Variants in FLT1 observed in about 807,000 individuals in gnomAD.
FLT1 encodes the protein vascular endothelial growth factor receptor 1.
FLT1 carries 49 observed loss-of-function variants against 156.3 expected under a neutral mutation model. The ratio of observed to expected loss-of-function variants is 0.31; its 90% confidence interval spans 0.25 to 0.40. FLT1 has a LOEUF of 0.40. Ranked by LOEUF, FLT1 falls within the 10% of genes least tolerant of loss-of-function variation. The pLI, the probability that FLT1 is intolerant of heterozygous loss-of-function variation, is 1.00. For synonymous variants in FLT1, 594 were observed against 583.8 expected, an observed-to-expected ratio of 1.02 and a Z score of -0.25; for missense variants, 1,322 against 1,637.2, an observed-to-expected ratio of 0.81 and a Z score of 3.32.
At chr13:28,391,822 A>T (rs906346621) in intron 12 of FLT1, among the ~76,000 whole-genome samples, 2 of 152,160 alleles carry the variant, frequency 1.3e-5, no homozygotes, top group African/African-American at 4.8e-5. Flanking sequence ...ATTTCTTAGT[A>T]TCATTTTGGC....
chr13:28,466,416 A>G (rs1329090713), intron 3 of FLT1, among the ~76,000 whole-genome samples: 1 of 152,234 alleles, frequency 6.6e-6, no homozygotes, highest in African/African-American at 2.4e-5. Context: ...AGTGAACATG[A>G]AATAATACAA....
At chr13:28,350,127 C>G (rs376963160) in intron 15 of FLT1, among the ~76,000 whole-genome samples, 17 of 152,292 alleles carry the variant, frequency 1.1e-4, no homozygotes, top group African/African-American at 3.8e-4. Flanking sequence ...CAGCAGCACA[C>G]AGGAGTGGAA....
intron 24 of FLT1, 44 bp from the exon 25 acceptor site, chr13:28,317,641 A>G: frequency 8.1e-7 from 1 of 1,237,826 alleles, no homozygotes; most frequent in Non-Finnish European, 1.2e-6. Context: ...TTATGGCTTA[A>G]GGGTACAAAA....
intron 18 of FLT1, among the ~76,000 whole-genome samples, chr13:28,332,478 T>C (rs1195392726): frequency 1.3e-5 from 2 of 152,156 alleles, no homozygotes; most frequent in African/African-American, 4.8e-5. Flanking sequence ...CCAGATTTAG[T>C]TTCCACCTAT....
intron 14 of FLT1, among the ~76,000 whole-genome samples, chr13:28,365,675 C>T (rs1325277017): frequency 6.6e-6 from 1 of 152,116 alleles, no homozygotes; most frequent in African/African-American, 2.4e-5. Flanking sequence ...AAACATGATA[C>T]TCTGCTTTGT....
chr13:28,303,502 C>CG (rs796384229), intron 29 of FLT1, 134 bp from the exon 30 acceptor site: 237 of 771,332 alleles, frequency 3.1e-4, no homozygotes, highest in Non-Finnish European at 2.8e-4. Context: ...ACCCCCCCCC[C>CG]CTCAATTGCT....
intron 16 of FLT1, 93 bp downstream of exon 16, chr13:28,345,352 A>AGG (rs1872525063): frequency 2.7e-6 from 2 of 750,786 alleles, no homozygotes; most frequent in African/African-American, 3.5e-5. Context: ...GGAAAGAAAG[A>AGG]GGGTCCAACA....
chr13:28,368,533 T>A, intron 14 of FLT1: 2 of 1,547,604 alleles, frequency 1.3e-6, no homozygotes, highest in Non-Finnish European at 1.7e-6. Flanking sequence ...TTTCAATAAA[T>A]GGTAGCTATG....
chr13:28,475,578 C>T (rs1350499826), intron 1 of FLT1, among the ~76,000 whole-genome samples: 1 of 152,130 alleles, frequency 6.6e-6, no homozygotes, highest in African/African-American at 2.4e-5. Context: ...TAGACTAAAT[C>T]TCATAGAATC....
intron 3 of FLT1, among the ~76,000 whole-genome samples, chr13:28,454,549 G>A (rs1593811159): frequency 1.3e-5 from 2 of 152,114 alleles, no homozygotes; most frequent in South Asian, 2.1e-4. Flanking sequence ...AGAAATAAAT[G>A]GAGATGACTG....
chr13:28,348,928 AAAAG>A (rs1385375231), intron 15 of FLT1, among the ~76,000 whole-genome samples: 1 of 152,118 alleles, frequency 6.6e-6, no homozygotes, highest in Non-Finnish European at 1.5e-5. Context: ...AAAAAAAAAA[AAAAG>A]AGTTTAGGGT....
chr13:28,433,707 ACACTGC>A (rs1877841018), intron 6 of FLT1, 106 bp downstream of exon 6: 1 of 1,007,446 alleles, frequency 9.9e-7, no homozygotes, highest in Admixed American at 1.7e-5. Context: ...TTATTGACTA[ACACTGC>A]CACAGGAGTC....
intron 3 of FLT1, among the ~76,000 whole-genome samples, chr13:28,450,564 G>A (rs1402371285): frequency 6.6e-6 from 1 of 151,698 alleles, no homozygotes; most frequent in Non-Finnish European, 1.5e-5. Flanking sequence ...AGGAAGGAGA[G>A]AGGAAGGGAG....
chr13:28,395,346 C>G (rs993550485), intron 12 of FLT1, among the ~76,000 whole-genome samples: 1 of 152,172 alleles, frequency 6.6e-6, no homozygotes, highest in Non-Finnish European at 1.5e-5. Flanking sequence ...CTGTTCAGGT[C>G]CTGCTTCCTT....
chr13:28,473,698 A>AAAAGAAAGAAAGAAAG (rs1351953423), intron 1 of FLT1, among the ~76,000 whole-genome samples: 5 of 102,104 alleles, frequency 4.9e-5, no homozygotes, highest in African/African-American at 1.1e-4. Context: ...AGAGAGAAAG[A>AAAAGAAAGAAAGAAAG]AAAGAAAGAA....
At chr13:28,392,054 A>G (rs1267299755) in intron 12 of FLT1, among the ~76,000 whole-genome samples, 1 of 152,246 alleles carries the variant, frequency 6.6e-6, no homozygotes, top group Non-Finnish European at 1.5e-5. Context: ...TTAAGGGGAC[A>G]ATAGTCCAAA....
At chr13:28,304,814 T>C (rs796206410) in intron 29 of FLT1, among the ~76,000 whole-genome samples, 30 of 152,336 alleles carry the variant, frequency 2.0e-4, no homozygotes, top group African/African-American at 7.0e-4. Context: ...CTGGCTTCTT[T>C]TACTTAGCAT....
chr13:28,307,542 G>C (rs1870799534), intron 28 of FLT1, among the ~76,000 whole-genome samples: 1 of 152,028 alleles, frequency 6.6e-6, no homozygotes, highest in Non-Finnish European at 1.5e-5. Flanking sequence ...AGTCAAACAA[G>C]ATATCCATAT....
chr13:28,476,876 G>A (rs189941710), intron 1 of FLT1, among the ~76,000 whole-genome samples: 124 of 152,184 alleles, frequency 8.1e-4, no homozygotes, highest in Non-Finnish European at 1.5e-3. Context: ...TATTTTAATT[G>A]TCTGTCAATG....
Sources: gnomAD v4.1 joint callset for allele counts (sites outside exome capture counted in the v4.1 genomes callset) on GRCh38, gnomAD v4.1.1 for gene constraint, MANE v1.5 for transcripts, NCBI Gene and HGNC (gene_info 2026-07-23, HGNC 2026-07-21) for gene names.